The following VTI1A variants were observed in gnomAD, a reference collection of about 807,000 sequenced individuals.
VTI1A encodes the protein vesicle transport through interaction with t-SNAREs 1A.
VTI1A carries 22 observed loss-of-function variants against 34.9 expected under a neutral mutation model. That is an observed-to-expected ratio of 0.63 (90% CI 0.45 to 0.90). The LOEUF is 0.90. Ranked by LOEUF, VTI1A falls within the 40% of genes least tolerant of loss-of-function variation. The pLI, the probability that VTI1A is intolerant of heterozygous loss-of-function variation, is 0.00. For synonymous variants in VTI1A, 87 were observed against 97.3 expected (o/e 0.89, Z 0.62); for missense variants, 268 against 275.6 (o/e 0.97, Z 0.20).
At chr10:112,809,329 T>C (rs1853204952) in intron 7 of VTI1A, among the ~76,000 whole-genome samples, 1 of 152,234 alleles carries the variant, frequency 6.6e-6, no homozygotes. Flanking sequence ...GAATTGGATA[T>C]AGAATTTAAA....
chr10:112,755,127 C>T (rs545401182), intron 7 of VTI1A, among the ~76,000 whole-genome samples: 40 of 152,124 alleles, frequency 2.6e-4, no homozygotes, highest in African/African-American at 8.7e-4. Flanking sequence ...TGGTGGCACA[C>T]GCCTGTAATC....
chr10:112,850,250 A>C, the VTI1A span, among the ~76,000 whole-genome samples: 1 of 151,966 alleles, frequency 6.6e-6, no homozygotes, highest in East Asian at 1.9e-4. Context: ...TCAGCGGGTC[A>C]CCTGGGGCCT....
chr10:112,779,590 G>A (rs1207083748), intron 7 of VTI1A, among the ~76,000 whole-genome samples: 1 of 152,192 alleles, frequency 6.6e-6, no homozygotes, highest in African/African-American at 2.4e-5. Context: ...TGAATTTAGA[G>A]AATGTCTTTG....
At chr10:112,589,440 C>G (rs1844295171) in intron 5 of VTI1A, among the ~76,000 whole-genome samples, 1 of 151,994 alleles carries the variant, frequency 6.6e-6, no homozygotes, top group Admixed American at 6.6e-5. Flanking sequence ...GTAAGTTCCA[C>G]CCAGCCACAT....
chr10:112,502,985 GTTTA>G (rs1342783829), intron 3 of VTI1A, among the ~76,000 whole-genome samples: 5 of 151,984 alleles, frequency 3.3e-5, no homozygotes, highest in Admixed American at 6.6e-5. Flanking sequence ...GAGTGTGTTT[GTTTA>G]TTTATTTTTA....
At chr10:112,511,389 G>A (rs111510848) in intron 3 of VTI1A, among the ~76,000 whole-genome samples, 260 of 151,882 alleles carry the variant, frequency 1.7e-3, no homozygotes, top group African/African-American at 6.0e-3. Context: ...GACTACAGGC[G>A]TGTACCACCA....
At chr10:112,778,080 C>T (rs1852003887) in intron 7 of VTI1A, among the ~76,000 whole-genome samples, 1 of 151,408 alleles carries the variant, frequency 6.6e-6, no homozygotes, top group African/African-American at 2.4e-5. Context: ...CCACCCTGGG[C>T]AACAAGAGCA....
chr10:112,451,862 G>A (rs974043430), intron 1 of VTI1A, among the ~76,000 whole-genome samples: 1 of 152,178 alleles, frequency 6.6e-6, no homozygotes, highest in Non-Finnish European at 1.5e-5. Context: ...TAATATCTAC[G>A]TGTAGCTATT....
chr10:112,673,059 G>A (rs1298419046), intron 7 of VTI1A, among the ~76,000 whole-genome samples: 2 of 152,204 alleles, frequency 1.3e-5, no homozygotes, highest in African/African-American at 2.4e-5. Flanking sequence ...GCTCACACCC[G>A]TAATCCCAAC....
chr10:112,746,815 A>G (rs1850913670), intron 7 of VTI1A, among the ~76,000 whole-genome samples: 2 of 152,208 alleles, frequency 1.3e-5, no homozygotes, highest in African/African-American at 4.8e-5. Context: ...AGATTTTCCT[A>G]CTAAACAAGT....
intron 7 of VTI1A, among the ~76,000 whole-genome samples, chr10:112,725,127 C>T (rs539555606): frequency 1.1e-4 from 16 of 152,276 alleles, no homozygotes; most frequent in African/African-American, 2.6e-4. Context: ...AATAGCTGGA[C>T]GGTTTAAATC....
At chr10:112,681,120 G>A (rs1848198010) in intron 7 of VTI1A, among the ~76,000 whole-genome samples, 1 of 148,814 alleles carries the variant, frequency 6.7e-6, no homozygotes, top group South Asian at 2.1e-4. Context: ...CAGTCACTGA[G>A]CTTAGGGTAC....
At chr10:112,736,894 T>C (rs1169474303) in intron 7 of VTI1A, 13 of 722,144 alleles carry the variant, frequency 1.8e-5, no homozygotes, top group African/African-American at 5.2e-5. Flanking sequence ...GTGGAAGTAT[T>C]TATAGATGCG....
chr10:112,827,911 A>G, the VTI1A span, among the ~76,000 whole-genome samples: 3 of 151,668 alleles, frequency 2.0e-5, no homozygotes, highest in Non-Finnish European at 4.4e-5. Context: ...TTTTGAATGC[A>G]GGTTTTTATT....
intron 4 of VTI1A, among the ~76,000 whole-genome samples, chr10:112,536,214 T>C (rs1196147246): frequency 1.3e-5 from 2 of 150,658 alleles, no homozygotes; most frequent in African/African-American, 2.4e-5. Flanking sequence ...TCATCCAATA[T>C]GAAAATGAAC....
chr10:112,839,953 A>G, the VTI1A span, among the ~76,000 whole-genome samples: 1 of 152,138 alleles, frequency 6.6e-6, no homozygotes, highest in Non-Finnish European at 1.5e-5. Flanking sequence ...ACATTCCTGG[A>G]CATCTTTGGG....
At chr10:112,732,193 G>C (rs1393038640) in intron 7 of VTI1A, among the ~76,000 whole-genome samples, 1 of 152,096 alleles carries the variant, frequency 6.6e-6, no homozygotes, top group Non-Finnish European at 1.5e-5. Context: ...TTGTGAGAAG[G>C]CATCTAGCTA....
chr10:112,685,456 C>G (rs957056148), intron 7 of VTI1A, among the ~76,000 whole-genome samples: 1 of 152,114 alleles, frequency 6.6e-6, no homozygotes, highest in Non-Finnish European at 1.5e-5. Flanking sequence ...TCCTTGAAAT[C>G]TTTTCTTTAT....
intron 5 of VTI1A, among the ~76,000 whole-genome samples, chr10:112,634,016 A>C (rs1290742810): frequency 6.6e-6 from 1 of 152,186 alleles, no homozygotes; most frequent in Non-Finnish European, 1.5e-5. Flanking sequence ...AGAGTAATAG[A>C]GCTTTCTTCC....
Sources: allele counts gnomAD v4.1 joint callset (sites outside exome capture counted in the v4.1 genomes callset), GRCh38; gene constraint gnomAD v4.1.1; transcripts MANE v1.5; gene names NCBI Gene and HGNC (gene_info 2026-07-23, HGNC 2026-07-21).